CKAP5: variants seen among roughly 807,000 people sequenced by gnomAD.
CKAP5 encodes the protein cytoskeleton-associated protein 5.
A neutral mutation model predicts 232.8 loss-of-function variants in CKAP5; 27 were observed. The observed-to-expected ratio is 0.12, with a 90% CI of 0.09 to 0.16. The LOEUF (loss-of-function observed/expected upper bound fraction) is 0.16, where lower values mean the gene tolerates loss of function less well. Among genes scored for constraint, CKAP5 ranks in the 10% least tolerant of loss-of-function variants. The probability of loss-of-function intolerance (pLI) is 1.00; values close to 1 mark genes in which losing one functional copy is unlikely to be tolerated. For synonymous variants in CKAP5, 785 were observed against 841.1 expected (o/e 0.93, Z 1.16); for missense variants, 1,838 against 2,424.7 (o/e 0.76, Z 5.08).
intron 3 of CKAP5, among the ~76,000 whole-genome samples, chr11:46,817,995 G>A (rs1337904071): frequency 2.0e-5 from 3 of 152,026 alleles, no homozygotes; most frequent in Non-Finnish European, 4.4e-5. Context: ...GTTTCTTTTT[G>A]AAGTTACTAA....
chr11:46,745,064 A>T (rs908828299), intron 42 of CKAP5, among the ~76,000 whole-genome samples: 1 of 152,212 alleles, frequency 6.6e-6, no homozygotes, highest in Non-Finnish European at 1.5e-5. Context: ...TCCAACAATT[A>T]TCTAAAGAGG....
intron 2 of CKAP5, 99 bp from the exon 3 acceptor site, chr11:46,818,602 C>A: frequency 2.3e-6 from 2 of 872,180 alleles, no homozygotes; most frequent in Non-Finnish European, 3.3e-6. Flanking sequence ...AAATGAATAT[C>A]CTATGTCAGG....
At chr11:46,756,971 G>A (rs1484536813) in intron 35 of CKAP5, among the ~76,000 whole-genome samples, 1 of 149,710 alleles carries the variant, frequency 6.7e-6, no homozygotes, top group East Asian at 2.0e-4. Context: ...CTCCATGTTG[G>A]TCAGGCTGGT....
intron 40 of CKAP5, 57 bp downstream of exon 40, chr11:46,751,061 T>G (rs2065060870): frequency 6.2e-7 from 1 of 1,605,320 alleles, no homozygotes; most frequent in Non-Finnish European, 8.5e-7. Context: ...ACACCTTAGA[T>G]AAGATCACTT....
chr11:46,788,664 C>A lies in CKAP5; in HGVS notation c.1968+17G>T. On this transcript the variant is annotated intron_variant, in intron 16 of 43. Coordinates refer to ENST00000529230, the MANE Select transcript of CKAP5 (RefSeq NM_001008938.4). The stretch of plus-strand genomic sequence containing the variant: ...ATTACTTCAATAAAAGACATCAAAT[C>A]TCACATTTTAAAATACCTGAAAATT... The A allele has an allele frequency of 6.9e-7, 1 of 1,439,374 alleles. No homozygotes were observed. The highest frequency in any genetic ancestry group is 1.1e-5 in the South Asian group (1 of 87,204). 89.2% of individuals were successfully genotyped at this position (1,439,374 alleles called of 1,614,324 possible).
At chr11:46,777,784 C>T (rs2065304122) in intron 22 of CKAP5, among the ~76,000 whole-genome samples, 1 of 152,162 alleles carries the variant, frequency 6.6e-6, no homozygotes, top group Admixed American at 6.6e-5. Context: ...GACCAGAGAT[C>T]ATAGTACTTT....
At chr11:46,782,998 G>A (rs926717949) in intron 18 of CKAP5, among the ~76,000 whole-genome samples, 1 of 152,168 alleles carries the variant, frequency 6.6e-6, no homozygotes, top group African/African-American at 2.4e-5. Flanking sequence ...ATTTCCTAAT[G>A]TATTTGACTA....
intron 36 of CKAP5, 37 bp downstream of exon 36, chr11:46,754,851 T>C (rs760405574): frequency 4.4e-6 from 7 of 1,579,344 alleles, no homozygotes; most frequent in South Asian, 3.5e-5. Context: ...GGCTGAGAGA[T>C]TGATGGGAAG....
intron 35 of CKAP5, among the ~76,000 whole-genome samples, chr11:46,755,837 G>C (rs899438934): frequency 6.6e-6 from 1 of 152,218 alleles, no homozygotes; most frequent in African/African-American, 2.4e-5. Context: ...GCTGAGGCAG[G>C]AGAATTGCTT....
chr11:46,796,780 T>C, intron 12 of CKAP5, 32 bp downstream of exon 12: 2 of 1,610,570 alleles, frequency 1.2e-6, no homozygotes, highest in Non-Finnish European at 1.7e-6. Context: ...AGGAATGTTG[T>C]CCAATTTCAG....
chr11:46,784,877 A>G (rs1242556567), intron 16 of CKAP5, among the ~76,000 whole-genome samples: 1 of 152,168 alleles, frequency 6.6e-6, no homozygotes, highest in Non-Finnish European at 1.5e-5. Flanking sequence ...GAAGAGAGGG[A>G]AAAAAAGCTA....
At chr11:46,812,946 G>A (rs2134676877) in intron 4 of CKAP5, among the ~76,000 whole-genome samples, 1 of 151,946 alleles carries the variant, frequency 6.6e-6, no homozygotes, top group Middle Eastern at 3.4e-3. Flanking sequence ...CACTGCTCCT[G>A]GCCTTAATTA....
intron 8 of CKAP5, among the ~76,000 whole-genome samples, chr11:46,805,873 G>A (rs1199711895): frequency 6.6e-6 from 1 of 152,156 alleles, no homozygotes; most frequent in African/African-American, 2.4e-5. Context: ...GGAGGCAGAG[G>A]TTGCAGTGAG....
At chr11:46,827,543 T>C (rs538802289) in intron 1 of CKAP5, among the ~76,000 whole-genome samples, 1 of 152,292 alleles carries the variant, frequency 6.6e-6, no homozygotes, top group Admixed American at 6.5e-5. Flanking sequence ...GGGAGGATCC[T>C]GAGCCCAGGA....
At chr11:46,780,345 T>G in intron 19 of CKAP5, 26 bp from the exon 20 acceptor site, 1 of 1,613,780 alleles carries the variant, frequency 6.2e-7, no homozygotes, top group Non-Finnish European at 8.5e-7. Flanking sequence ...AAAATAACTT[T>G]TTAAATCACA....
At position 46,818,456 on chromosome 11, in the gene CKAP5, G is replaced by C. The variant is rs751971869; in HGVS notation, c.105C>G (p.Phe35Leu). 1.9e-6 allele frequency: 3 copies of C among 1,606,352 alleles called. No homozygotes were observed. The highest frequency in any genetic ancestry group is 2.5e-6 in the Non-Finnish European group (3 of 1,177,282). Reference sequence around the variant, plus strand: ...GGCTCTTTTCATCCTTTATTTTCTGGAAGATCTTCAGGGCCTCTTCATACC... The same window carrying C: ...GGCTCTTTTCATCCTTTATTTTCTGCAAGATCTTCAGGGCCTCTTCATACC... ...LSGYEEALKI[F>L]QKIKDEKSPE... The change falls in exon 3 of 44, where the codon TTC becomes TTG. Residue 35 changes from phenylalanine to leucine, a missense_variant. Transcript: ENST00000529230.
chr11:46,796,025 C>T (rs1277148831), intron 12 of CKAP5, among the ~76,000 whole-genome samples: 1 of 151,810 alleles, frequency 6.6e-6, no homozygotes, highest in Non-Finnish European at 1.5e-5. Flanking sequence ...TTTAGCCGGG[C>T]GTGGTGGCAG....
intron 1 of CKAP5, among the ~76,000 whole-genome samples, chr11:46,833,709 C>T (rs1939849260): frequency 6.6e-6 from 1 of 151,666 alleles, no homozygotes; most frequent in Non-Finnish European, 1.5e-5. Flanking sequence ...AATCTCCTGA[C>T]CTTGTGATCC....
At chr11:46,838,491 A>G (rs1939967264) in intron 1 of CKAP5, among the ~76,000 whole-genome samples, 1 of 151,696 alleles carries the variant, frequency 6.6e-6, no homozygotes. Flanking sequence ...AAAAAATGAC[A>G]GCCAGACACG....
Sources: gnomAD v4.1 joint callset for allele counts (sites outside exome capture counted in the v4.1 genomes callset) on GRCh38, gnomAD v4.1.1 for gene constraint, MANE v1.5 for transcripts, NCBI Gene and HGNC (gene_info 2026-07-23, HGNC 2026-07-21) for gene names.